OTUD7A: variants seen among roughly 807,000 people sequenced by gnomAD.
OTUD7A encodes OTU deubiquitinase 7A.
OTUD7A carries 12 observed loss-of-function variants against 65.7 expected under a neutral mutation model. The observed-to-expected ratio is 0.18, with a 90% confidence interval of 0.12 to 0.30. The LOEUF (loss-of-function observed/expected upper bound fraction) is 0.30, where lower values mean the gene tolerates loss of function less well. Among genes scored for constraint, OTUD7A ranks in the 10% least tolerant of loss-of-function variants. The probability of loss-of-function intolerance (pLI) is 1.00; values close to 1 mark genes in which losing one functional copy is unlikely to be tolerated. For synonymous variants in OTUD7A, 641 were observed against 586.3 expected, an observed-to-expected ratio of 1.09 and a Z score of -1.35; for missense variants, 1,148 against 1,304.8, an observed-to-expected ratio of 0.88 and a Z score of 1.85.
At chr15:31,621,774 T>C (rs1418957070) in intron 3 of OTUD7A, among the ~76,000 whole-genome samples, 9 of 149,860 alleles carry the variant, frequency 6.0e-5, no homozygotes, top group African/African-American at 2.3e-4. Flanking sequence ...CATTTAAGGT[T>C]AATATTGTTA....
chr15:31,537,640 C>T (rs1887849328), intron 5 of OTUD7A, among the ~76,000 whole-genome samples: 1 of 152,192 alleles, frequency 6.6e-6, no homozygotes, highest in Non-Finnish European at 1.5e-5. Flanking sequence ...AACAACCAGG[C>T]TGGGATACAG....
rs2041190036 is a variant in OTUD7A, at chr15:31,484,031, C to T, written c.2065G>A (p.Ala689Thr). ...RRRDAATAAA[A>T]AAAAAAATAK... ...GTGGCGGCGGCGGCGGCGGCGGCAGCGGCGGCCGCAGTAGCGGCGTCGCGG... is the reference window on the plus strand; with the variant it reads ...GTGGCGGCGGCGGCGGCGGCGGCAGTGGCGGCCGCAGTAGCGGCGTCGCGG... The change falls in exon 13 of 13, where the codon GCT becomes ACT. Residue 689 changes from alanine to threonine, a missense_variant. Around this residue, in one of 6 missense-constraint regions of OTUD7A, gnomAD observed 842 missense variants for 769.5 expected, o/e 1.09. Transcript: ENST00000307050. This position sits in a 1 kb window ranked among gnomAD's most constrained non-coding sequence, Gnocchi z 4.5. The T allele has an allele frequency of 2.6e-5, 32 of 1,247,752 alleles. No homozygotes were observed. The highest frequency in any genetic ancestry group is 4.7e-5 in the African/African-American group (3 of 63,900). 77.3% of individuals were successfully genotyped at this position (1,247,752 alleles called of 1,614,324 possible). A position where few individuals can be genotyped will look rare whatever the true frequency, so the allele number is the denominator to read the frequency against.
chr15:31,699,224 C>T (rs892999490), intron 1 of OTUD7A, among the ~76,000 whole-genome samples: 3 of 151,740 alleles, frequency 2.0e-5, no homozygotes, highest in East Asian at 1.9e-4. Context: ...GGACTACAGG[C>T]GCCCGCCACC....
At chr15:31,839,186 C>T (rs940931821) in intron 1 of OTUD7A, among the ~76,000 whole-genome samples, 3 of 152,240 alleles carry the variant, frequency 2.0e-5, no homozygotes, top group African/African-American at 4.8e-5. Flanking sequence ...GGGGCACCCT[C>T]GTCCTGGCCA....
intron 10 of OTUD7A, among the ~76,000 whole-genome samples, chr15:31,499,637 A>G (rs1290086190): frequency 6.6e-6 from 1 of 152,230 alleles, no homozygotes; most frequent in Non-Finnish European, 1.5e-5. Context: ...GGTGCAGGTG[A>G]CAAAGAGCGT....
At chr15:31,762,785 A>G (rs760266267) in intron 1 of OTUD7A, among the ~76,000 whole-genome samples, 1 of 152,252 alleles carries the variant, frequency 6.6e-6, no homozygotes, top group Admixed American at 6.5e-5. Context: ...TCTCCTTATG[A>G]TAAGACATAG....
At chr15:31,669,972 C>T (rs1455915713) in intron 1 of OTUD7A, among the ~76,000 whole-genome samples, 2 of 141,132 alleles carry the variant, frequency 1.4e-5, no homozygotes, top group Non-Finnish European at 3.0e-5. Context: ...TCCACTTCCG[C>T]AGGTGAGCAC....
intron 1 of OTUD7A, among the ~76,000 whole-genome samples, chr15:31,742,664 G>C (rs937623091): frequency 6.6e-6 from 1 of 152,036 alleles, no homozygotes; most frequent in African/African-American, 2.4e-5. Context: ...GTTGCATACA[G>C]AGCATTTATT....
intron 4 of OTUD7A, among the ~76,000 whole-genome samples, chr15:31,563,999 A>G (rs1157231259): frequency 6.6e-6 from 1 of 152,228 alleles, no homozygotes; most frequent in African/African-American, 2.4e-5. Flanking sequence ...AGTACTGGCC[A>G]GGAGGACTAG....
intron 3 of OTUD7A, among the ~76,000 whole-genome samples, chr15:31,597,742 C>T (rs1889949293): frequency 6.6e-6 from 1 of 152,142 alleles, no homozygotes; most frequent in Non-Finnish European, 1.5e-5. Context: ...AGTACCCCAC[C>T]CTGCCCAGCC....
chr15:31,530,687 G>C lies in OTUD7A; in HGVS notation c.652+20C>G. ...CAGGCCTGGAGCCTGGCCACCCTCT[G>C]TCTGTGCTGTGGAGCTTACCCAGTG... On this transcript the variant is annotated intron_variant, in intron 6 of 12. Coordinates refer to ENST00000307050, the MANE Select transcript of OTUD7A (RefSeq NM_001382637.1). 1 of 1,609,282 alleles carries C rather than the reference G, an allele frequency of 6.2e-7. No individual in the cohort carries two copies. The highest frequency in any genetic ancestry group is 8.5e-7 in the Non-Finnish European group (1 of 1,176,392).
chr15:31,500,954 ACAG>A (rs1366659815), intron 10 of OTUD7A, among the ~76,000 whole-genome samples: 2 of 152,242 alleles, frequency 1.3e-5, no homozygotes, highest in Admixed American at 6.5e-5. Context: ...ACATGAGAAA[ACAG>A]CAATTGTTCC....
At chr15:31,754,268 A>G (rs1894747527) in intron 1 of OTUD7A, among the ~76,000 whole-genome samples, 1 of 152,014 alleles carries the variant, frequency 6.6e-6, no homozygotes, top group South Asian at 2.1e-4. Flanking sequence ...GTCCTTTGTC[A>G]GACATATAGA....
intron 3 of OTUD7A, among the ~76,000 whole-genome samples, chr15:31,623,099 G>T (rs28832631): frequency 6.6e-6 from 1 of 152,226 alleles, no homozygotes. Flanking sequence ...AACAGCGAAT[G>T]TTGCTGCCTG....
intron 5 of OTUD7A, among the ~76,000 whole-genome samples, chr15:31,543,374 GA>G (rs1292818411): frequency 6.6e-6 from 1 of 151,816 alleles, no homozygotes; most frequent in African/African-American, 2.4e-5. Flanking sequence ...GATGTGTAAG[GA>G]GAGAATAAAC....
chr15:31,736,837 C>T (rs931565104), intron 1 of OTUD7A, among the ~76,000 whole-genome samples: 4 of 146,318 alleles, frequency 2.7e-5, no homozygotes, highest in Admixed American at 6.9e-5. Flanking sequence ...TTTGGGGGGG[C>T]GGGGGGACGG....
At chr15:31,577,791 C>T (rs970877595) in intron 3 of OTUD7A, among the ~76,000 whole-genome samples, 4 of 149,122 alleles carry the variant, frequency 2.7e-5, no homozygotes, top group Non-Finnish European at 5.9e-5. Flanking sequence ...ATTTATTCCT[C>T]TAACTTATAC....
At chr15:31,688,317 G>C (rs1892887635) in intron 1 of OTUD7A, among the ~76,000 whole-genome samples, 1 of 152,126 alleles carries the variant, frequency 6.6e-6, no homozygotes, top group Non-Finnish European at 1.5e-5. Flanking sequence ...CCACTGATGT[G>C]CTGGAAAGAG....
chr15:31,796,796 G>A (rs978615722), intron 1 of OTUD7A, among the ~76,000 whole-genome samples: 5 of 152,206 alleles, frequency 3.3e-5, no homozygotes, highest in African/African-American at 1.2e-4. Context: ...GTACAGTGGT[G>A]CAATCTCAGC....
Sources: gnomAD v4.1 joint callset for allele counts (sites outside exome capture counted in the v4.1 genomes callset) on GRCh38, gnomAD v4.1.1 for gene constraint, gnomAD v4.1.1 regional missense constraint, Gnocchi (gnomAD v3.1) non-coding constraint, MANE v1.5 for transcripts, NCBI Gene and HGNC (gene_info 2026-07-23, HGNC 2026-07-21) for gene names.